Variants in LARGE1 observed in about 807,000 individuals in gnomAD.
LARGE1 encodes xylosyl- and glucuronyltransferase LARGE1.
In LARGE1, 43 loss-of-function variants were observed where a neutral mutation model predicts 87.6. That is an observed-to-expected ratio of 0.49 (90% CI 0.38 to 0.63). LARGE1 has a LOEUF of 0.63. Among genes scored for constraint, LARGE1 ranks in the 30% least tolerant of loss-of-function variants. The probability of loss-of-function intolerance (pLI) is 0.00; values close to 1 mark genes in which losing one functional copy is unlikely to be tolerated. For synonymous variants in LARGE1, 434 were observed against 394.6 expected (o/e 1.10, Z -1.18); for missense variants, 802 against 1,000.2 (o/e 0.80, Z 2.67).
Position 33,314,590 on chromosome 22 carries a change from G to C in LARGE1, c.1451+1495C>G, listed in dbSNP as rs966493895. On this transcript the variant is annotated intron_variant, in intron 11 of 14. Transcript: ENST00000397394. ...TGTGCCAGGCACTGTTCTCGGCACT[G>C]TACAGGCATTAGCTCATTTAATCCT... 1.1e-4 allele frequency among the ~76,000 whole-genome samples: 17 copies of C among 152,318 alleles called. 1 individual carries two copies. The highest frequency in any genetic ancestry group is 9.8e-4 in the Admixed American group (15 of 15,294).
chr22:33,382,817 T>C (rs944288275), intron 8 of LARGE1, among the ~76,000 whole-genome samples: 1 of 152,172 alleles, frequency 6.6e-6, no homozygotes, highest in Admixed American at 6.5e-5. Context: ...ACTTGAAATA[T>C]GAGGCTGGTG....
intron 2 of LARGE1, among the ~76,000 whole-genome samples, chr22:33,738,983 T>C (rs1164119626): frequency 6.7e-6 from 1 of 149,910 alleles, no homozygotes; most frequent in Non-Finnish European, 1.5e-5. Flanking sequence ...TCATCCTAGA[T>C]ACAGTGGGCA....
rs548889541 is a variant in LARGE1, at chr22:33,471,035, T to C, written c.788-38770A>G. 4.4e-3 allele frequency among the ~76,000 whole-genome samples: 662 copies of C among 150,086 alleles called. 10 individuals carry two copies. The highest frequency in any genetic ancestry group is 0.016 in the African/African-American group (636 of 40,830). On this transcript the variant is annotated intron_variant, in intron 6 of 14. Transcript: ENST00000397394. Reference sequence around the variant, plus strand: ...AATAGTCTTTCTTCTTCTTCTTTTTTTTTTTTTTTTTTGAGAGAGTCTCGC... The same window carrying C: ...AATAGTCTTTCTTCTTCTTCTTTTTCTTTTTTTTTTTTGAGAGAGTCTCGC...
chr22:33,474,127 T>G (rs1264831198), intron 6 of LARGE1, among the ~76,000 whole-genome samples: 1 of 152,162 alleles, frequency 6.6e-6, no homozygotes, highest in Non-Finnish European at 1.5e-5. Context: ...AAACATATAT[T>G]GTTGGCCAAT....
rs144770817 is a variant in LARGE1, at chr22:33,689,064, T to C, written c.107-38396A>G. Among the ~76,000 whole-genome samples the C allele has an allele frequency of 6.8e-4, 104 of 152,210 alleles. 2 individuals are homozygous for C. Among genetic ancestry groups the C allele is most frequent in the African/African-American group, 2.4e-3 (100 of 41,554 alleles). On this transcript the variant is annotated intron_variant, in intron 2 of 14. Transcript: ENST00000397394. ...CTTCAGGCCAGTAAATTAAAAGTTA[T>C]AGTTCCCACAGTAACCATCTCTCTT... is the stretch of plus-strand genomic sequence containing the variant.
intron 2 of LARGE1, among the ~76,000 whole-genome samples, chr22:33,720,673 G>GT (rs1210974876): frequency 6.6e-6 from 1 of 152,228 alleles, no homozygotes; most frequent in African/African-American, 2.4e-5. Context: ...GTGGCCTGTG[G>GT]TTACATAAGA....
chr22:33,278,316 T>C (rs1186214421), intron 13 of LARGE1, among the ~76,000 whole-genome samples: 1 of 152,124 alleles, frequency 6.6e-6, no homozygotes. Context: ...GAAATGCAGG[T>C]CTGCTGACTC....
chr22:33,260,714 C>G (rs374036300), intron 11 of LARGE1, among the ~76,000 whole-genome samples: 1 of 152,200 alleles, frequency 6.6e-6, no homozygotes, highest in Non-Finnish European at 1.5e-5. Context: ...ACGCAGGAAT[C>G]TTGAGAAAAC....
chr22:33,699,388 G>A (rs753220705), intron 2 of LARGE1, among the ~76,000 whole-genome samples: 15 of 152,168 alleles, frequency 9.9e-5, no homozygotes, highest in Non-Finnish European at 1.9e-4. Context: ...TGTGGGAAGA[G>A]GCAGGAAGAA....
At chr22:33,676,077 A>G (rs567643898) in intron 2 of LARGE1, among the ~76,000 whole-genome samples, 14 of 152,030 alleles carry the variant, frequency 9.2e-5, no homozygotes, top group Non-Finnish European at 1.5e-4. Context: ...TAAAAGCACT[A>G]GCAGTACAAG....
chr22:33,723,533 G>C (rs974943270), intron 2 of LARGE1, among the ~76,000 whole-genome samples: 2 of 152,208 alleles, frequency 1.3e-5, no homozygotes, highest in Admixed American at 6.5e-5. Flanking sequence ...CTTACACACA[G>C]ACACACACAC....
At chr22:33,439,122 G>A (rs183823187) in intron 6 of LARGE1, among the ~76,000 whole-genome samples, 106 of 151,848 alleles carry the variant, frequency 7.0e-4, no homozygotes, top group African/African-American at 2.4e-3. Context: ...GCTAAGGCAT[G>A]AGAATCGCTT....
At chr22:33,124,453 G>A in the LARGE1 span, among the ~76,000 whole-genome samples, 1 of 150,408 alleles carries the variant, frequency 6.6e-6, no homozygotes, top group Non-Finnish European at 1.5e-5. Flanking sequence ...AGTGTTAGCA[G>A]CTCTTTGGTA....
At chr22:33,493,245 T>C (rs113567536) in intron 6 of LARGE1, among the ~76,000 whole-genome samples, 4,021 of 149,568 alleles carry the variant, frequency 0.027, 115 homozygotes, top group African/African-American at 0.072. Flanking sequence ...GCTGCAACCT[T>C]CACCTCCCGG....
At chr22:33,553,270 C>G (rs576458192) in intron 6 of LARGE1, among the ~76,000 whole-genome samples, 3 of 152,084 alleles carry the variant, frequency 2.0e-5, no homozygotes, top group African/African-American at 7.2e-5. Flanking sequence ...CTTTGGGAAG[C>G]TGAGGCGGGA....
intron 1 of LARGE1, among the ~76,000 whole-genome samples, chr22:33,765,705 C>CAG (rs1332629156): frequency 1.0e-4 from 1 of 9,826 alleles, no homozygotes; most frequent in African/African-American, 1.1e-3. Context: ...AACTCCATCT[C>CAG]ACAAAAAAAA....
chr22:33,695,079 A>C lies in LARGE1; in HGVS notation c.107-44411T>G, dbSNP rs185521215. ...TTGTCCCATAAAGCAATGATCAGAT[A>C]GCTGCAGTAATTTTTTCTTTCTTTC... On this transcript the variant is annotated intron_variant, in intron 2 of 14. Transcript: ENST00000397394. Among the ~76,000 whole-genome samples, 38 of 151,224 alleles carry C rather than the reference A, an allele frequency of 2.5e-4. 2 individuals are homozygous for C. Among genetic ancestry groups the C allele is most frequent in the Middle Eastern group, 3.4e-3 (1 of 290 alleles).
intron 10 of LARGE1, among the ~76,000 whole-genome samples, chr22:33,324,210 C>A (rs1163876286): frequency 1.0e-5 from 1 of 98,554 alleles, no homozygotes; most frequent in African/African-American, 4.1e-5. Context: ...GTCTGGGCAA[C>A]AGACCAAGAC....
At chr22:33,624,030 C>CA (rs925800784) in intron 4 of LARGE1, among the ~76,000 whole-genome samples, 4 of 151,284 alleles carry the variant, frequency 2.6e-5, no homozygotes, top group Admixed American at 6.6e-5. Flanking sequence ...AACTCCATCT[C>CA]AAAAAAAATA....
Sources: allele counts gnomAD v4.1 joint callset (sites outside exome capture counted in the v4.1 genomes callset), GRCh38; gene constraint gnomAD v4.1.1; transcripts MANE v1.5; gene names NCBI Gene and HGNC (gene_info 2026-07-23, HGNC 2026-07-21).